Variants in RALGAPB observed in about 807,000 individuals in gnomAD.
RALGAPB encodes the protein Ral GTPase activating protein non-catalytic subunit beta, also known as ral GTPase-activating protein subunit beta.
In RALGAPB, 25 loss-of-function variants were observed where a neutral mutation model predicts 161.1. That is an observed-to-expected ratio of 0.16 (90% CI 0.11 to 0.22). The LOEUF (loss-of-function observed/expected upper bound fraction) is 0.22. Ranked by LOEUF, RALGAPB falls within the 10% of genes least tolerant of loss-of-function variation. RALGAPB has a pLI of 1.00. For synonymous variants in RALGAPB, 629 were observed against 626.1 expected, an observed-to-expected ratio of 1.00 and a Z score of -0.07; for missense variants, 1,391 against 1,815.2, an observed-to-expected ratio of 0.77 and a Z score of 4.25.
intron 18 of RALGAPB, among the ~76,000 whole-genome samples, chr20:38,543,688 T>C (rs1233670728): frequency 6.6e-6 from 1 of 152,230 alleles, no homozygotes; most frequent in South Asian, 2.1e-4. Flanking sequence ...GAACTAGCCA[T>C]GCTTATACCT....
intron 1 of RALGAPB, among the ~76,000 whole-genome samples, chr20:38,477,731 T>G (rs1051534181): frequency 3.9e-5 from 6 of 152,194 alleles, no homozygotes; most frequent in African/African-American, 1.4e-4. Context: ...TTTCAAAGTA[T>G]GTCAACTTAG....
chr20:38,507,368 G>T (rs1321230997), intron 5 of RALGAPB, among the ~76,000 whole-genome samples: 1 of 151,800 alleles, frequency 6.6e-6, no homozygotes, highest in Non-Finnish European at 1.5e-5. Flanking sequence ...CCTTGTTATT[G>T]TTGTTGTTAT....
intron 5 of RALGAPB, among the ~76,000 whole-genome samples, chr20:38,502,598 T>G (rs2085628230): frequency 6.6e-6 from 1 of 152,184 alleles, no homozygotes; most frequent in Non-Finnish European, 1.5e-5. Context: ...TATGATTTTT[T>G]TTTGTTTGAG....
At position 38,576,131 on chromosome 20, in the gene RALGAPB, A is replaced by C. The variant is rs1487096665; in HGVS notation, c.*1164A>C. The C allele has an allele frequency of 1.3e-5, 2 of 152,574 alleles. No homozygotes were observed. Among genetic ancestry groups the C allele is most frequent in the Admixed American group, 6.5e-5 (1 of 15,288 alleles). The allele number at this position is 152,574 out of a possible 1,614,324, so 9.5% of individuals were successfully genotyped here. A position where few individuals can be genotyped will look rare whatever the true frequency, so the allele number is the denominator to read the frequency against. On this transcript the variant is annotated 3_prime_UTR_variant, in exon 30 of 30. Transcript: ENST00000262879. ...TCGCTGCTACTTTTCTGCAGGGATA[A>C]AACTTTTGAGGTGGCCAGACCCAGA...
At chr20:38,566,976 T>C in intron 25 of RALGAPB, 120 bp from the exon 26 acceptor site, 1 of 1,439,298 alleles carries the variant, frequency 6.9e-7, no homozygotes, top group Non-Finnish European at 9.1e-7. Flanking sequence ...CAGCCCTTGC[T>C]CTCGAAGCAA....
rs2086860444 is a variant in RALGAPB, at chr20:38,538,050, C to G, written c.2380-1726C>G. 1.9e-5 allele frequency: 3 copies of G among 160,316 alleles called. No homozygotes were observed. In the South Asian group the frequency reaches 5.5e-4, roughly 30 times the overall value. The allele number at this position is 160,316 out of a possible 1,614,324, so 9.9% of individuals were successfully genotyped here. ...CCTAAAATAATTCTCTATGCCATTG[C>G]CCAGACAGAGTCTGTGCTGTAAACT... On this transcript the variant is annotated intron_variant, in intron 16 of 29. Transcript: ENST00000262879.
chr20:38,495,740 T>G (rs528191177), intron 3 of RALGAPB, among the ~76,000 whole-genome samples: 1 of 152,322 alleles, frequency 6.6e-6, no homozygotes, highest in South Asian at 2.1e-4. Flanking sequence ...TTAGCTCTTC[T>G]GTTTTTTTTT....
At chr20:38,548,630 GTTTAT>G in intron 19 of RALGAPB, 54 bp from the exon 20 acceptor site, 1 of 1,359,408 alleles carries the variant, frequency 7.4e-7, no homozygotes, top group Admixed American at 1.8e-5. Flanking sequence ...TTGATAACAA[GTTTAT>G]TTTAAATGGT....
At chr20:38,535,375 A>G (rs754497209) in intron 16 of RALGAPB, among the ~76,000 whole-genome samples, 168 bp downstream of exon 16, 6 of 152,244 alleles carry the variant, frequency 3.9e-5, no homozygotes, top group South Asian at 2.1e-4. Context: ...ATTCTATGCA[A>G]TGAACTTTAC....
intron 18 of RALGAPB, among the ~76,000 whole-genome samples, chr20:38,545,145 T>C (rs1487144038): frequency 1.3e-5 from 2 of 152,190 alleles, no homozygotes; most frequent in Non-Finnish European, 2.9e-5. Flanking sequence ...CTAAATACCT[T>C]GATAAAAATA....
intron 3 of RALGAPB, among the ~76,000 whole-genome samples, chr20:38,495,230 T>C (rs1004139250): frequency 3.3e-5 from 5 of 152,228 alleles, no homozygotes; most frequent in African/African-American, 9.6e-5. Flanking sequence ...TGGAGGGAAC[T>C]GCCTTTGCCA....
At chr20:38,547,593 T>A (rs1449097984) in intron 19 of RALGAPB, 1 of 152,200 alleles carries the variant, frequency 6.6e-6, no homozygotes, top group African/African-American at 2.4e-5. Flanking sequence ...ATTATATGAG[T>A]AAGAGCTCAT....
At chr20:38,554,929 T>C (rs1220686286) in intron 22 of RALGAPB, among the ~76,000 whole-genome samples, 1 of 152,046 alleles carries the variant, frequency 6.6e-6, no homozygotes, top group Admixed American at 6.6e-5. Flanking sequence ...AAAAATTGTT[T>C]TTAAAAATTA....
At chr20:38,547,374 T>C (rs2087203986) in intron 19 of RALGAPB, 1 of 152,212 alleles carries the variant, frequency 6.6e-6, no homozygotes, top group Non-Finnish European at 1.5e-5. Context: ...TCACCTGGTA[T>C]ACAATTCCCT....
intron 10 of RALGAPB, 25 bp downstream of exon 10, chr20:38,521,723 T>G (rs764250090): frequency 1.1e-4 from 173 of 1,610,480 alleles, no homozygotes; most frequent in Non-Finnish European, 1.4e-4. Flanking sequence ...GTTTGTTTTT[T>G]CATTTATATA....
chr20:38,479,018 T>C (rs2084887032), intron 1 of RALGAPB, among the ~76,000 whole-genome samples: 1 of 152,222 alleles, frequency 6.6e-6, no homozygotes. Context: ...CCCAAAGTGC[T>C]GGGGTTACAG....
rs556627543 is a variant in RALGAPB at position 38,514,147 on chromosome 20, A to G, written c.873-2045A>G. 2.0e-5 allele frequency among the ~76,000 whole-genome samples: 3 copies of G among 152,352 alleles called. No individual in the cohort carries two copies. The South Asian group carries it at 6.2e-4, about 32-fold the overall frequency. ...AGATAGAGCAGTCTTACTAGGCTCCATGAAGCAGCGAACAACCCTTTCTCA... is the reference window on the plus strand; with the variant it reads ...AGATAGAGCAGTCTTACTAGGCTCCGTGAAGCAGCGAACAACCCTTTCTCA... On this transcript the variant is annotated intron_variant, in intron 6 of 29. Coordinates refer to ENST00000262879, the MANE Select transcript of RALGAPB (RefSeq NM_020336.4).
chr20:38,555,414 GT>G (rs2087546704), intron 22 of RALGAPB, among the ~76,000 whole-genome samples: 1 of 152,084 alleles, frequency 6.6e-6, no homozygotes, highest in African/African-American at 2.4e-5. Flanking sequence ...AGAAAATTGA[GT>G]TTGATGCAGC....
intron 6 of RALGAPB, among the ~76,000 whole-genome samples, chr20:38,513,087 G>T (rs1313218333): frequency 6.6e-6 from 1 of 151,960 alleles, no homozygotes; most frequent in African/African-American, 2.4e-5. Flanking sequence ...AAAAATATAG[G>T]CCAGGCACGG....
Sources: allele counts gnomAD v4.1 joint callset (sites outside exome capture counted in the v4.1 genomes callset), GRCh38; gene constraint gnomAD v4.1.1; transcripts MANE v1.5; gene names NCBI Gene and HGNC (gene_info 2026-07-23, HGNC 2026-07-21).